Variants in CSF2RA observed in about 807,000 individuals in gnomAD.
CSF2RA encodes granulocyte-macrophage colony-stimulating factor receptor subunit alpha.
In CSF2RA, 42 loss-of-function variants were observed where a neutral mutation model predicts 51.6. The observed-to-expected ratio is 0.81, with a 90% CI of 0.64 to 1.05. The LOEUF is 1.05. Ranked by LOEUF, CSF2RA falls within the 50% of genes least tolerant of loss-of-function variation. The pLI is 0.00. For synonymous variants in CSF2RA, 222 were observed against 193.0 expected (o/e 1.15, Z -1.24); for missense variants, 530 against 501.1 (o/e 1.06, Z -0.55).
At chrX:1,300,384 A>C in intron 9 of CSF2RA, 107 bp from the exon 10 acceptor site, 2 of 1,377,742 alleles carry the variant, frequency 1.5e-6, no homozygotes, top group Non-Finnish European at 2.0e-6. Flanking sequence ...GAAGAAAAAG[A>C]AAAAAAGAAA....
At chrX:1,311,721 G>A (rs769684978), downstream of CSF2RA, among the ~76,000 whole-genome samples, 18 of 152,028 alleles carry the variant, frequency 1.2e-4, no homozygotes, top group South Asian at 1.9e-3. Context: ...GATGACAGGC[G>A]TGAGCCACCG....
At chrX:1,280,714 C>CCTT (rs1223556909) in intron 2 of CSF2RA, among the ~76,000 whole-genome samples, 1 of 146,898 alleles carries the variant, frequency 6.8e-6, no homozygotes, top group Non-Finnish European at 1.5e-5. Context: ...TTCTCTTTCC[C>CCTT]CTTCTTCTTC....
Position 1,290,215 on chromosome X carries a change from G to GT in CSF2RA, c.474-118dup, listed in dbSNP as rs2091269942. Reference sequence around the variant, plus strand: ...TGGGTTTTTTTTGTTTTGTGTTTTTGTTTTGTGTTTTTGTGTTTTGTGTTT... The same window carrying GT: ...TGGGTTTTTTTTGTTTTGTGTTTTTGTTTTTGTGTTTTTGTGTTTTGTGTTT... On this transcript the variant is annotated intron_variant, in intron 6 of 12. Coordinates refer to ENST00000381529, the MANE Select transcript of CSF2RA (RefSeq NM_172245.4). The GT allele has an allele frequency of 1.1e-5, 8 of 756,104 alleles. No homozygotes were observed. In the East Asian group the frequency reaches 2.1e-4, roughly 20 times the overall value. The allele number at this position is 756,104 out of a possible 1,614,324, so 46.8% of individuals were successfully genotyped here. A position where few individuals can be genotyped will look rare whatever the true frequency, so the allele number is the denominator to read the frequency against.
At chrX:1,272,705 G>C (rs1393797764) in intron 1 of CSF2RA, among the ~76,000 whole-genome samples, 1 of 151,482 alleles carries the variant, frequency 6.6e-6, no homozygotes, top group Non-Finnish European at 1.5e-5. Flanking sequence ...TGGCCAGGCT[G>C]GTCTTGAACT....
At chrX:1,285,732 GGAAAA>G (rs1287101503) in intron 3 of CSF2RA, 41 bp from the exon 4 acceptor site, 5 of 719,384 alleles carry the variant, frequency 7.0e-6, no homozygotes, top group Admixed American at 7.9e-5. Context: ...AAAAAAAAAA[GGAAAA>G]GAAAAGAGGA....
At chrX:1,322,643 C>T in the CSF2RA span, among the ~76,000 whole-genome samples, 4 of 151,638 alleles carry the variant, frequency 2.6e-5, no homozygotes, top group Admixed American at 6.6e-5. Context: ...TTCTCCTGAA[C>T]GCCCCTGGCT....
At chrX:1,288,139 G>C (rs1310026157) in intron 4 of CSF2RA, among the ~76,000 whole-genome samples, 1 of 152,018 alleles carries the variant, frequency 6.6e-6, no homozygotes, top group African/African-American at 2.4e-5. Context: ...AAGCTTAGGG[G>C]GATGATTTCA....
intron 10 of CSF2RA, chrX:1,303,280 G>T (rs1408204311): frequency 2.3e-6 from 1 of 425,916 alleles, no homozygotes. Flanking sequence ...CTGTCACCCA[G>T]GCTGGAGTGC....
At chrX:1,281,165 ACTCCTCCTTCTC>A (rs2089988386) in intron 2 of CSF2RA, among the ~76,000 whole-genome samples, 1 of 26,114 alleles carries the variant, frequency 3.8e-5, no homozygotes, top group Admixed American at 5.0e-4. Context: ...TTCTCCTCCT[ACTCCTCCTTCTC>A]CTCCTTCTCC....
chrX:1,280,442 G>A (rs1328254070), intron 2 of CSF2RA, among the ~76,000 whole-genome samples: 4 of 145,824 alleles, frequency 2.7e-5, no homozygotes, highest in Non-Finnish European at 6.0e-5. Flanking sequence ...CTGCACTCCA[G>A]CCTGGGTGAC....
chrX:1,309,501 G>T lies in CSF2RA; in HGVS notation c.*22G>T. 1 of 1,613,984 alleles carries T rather than the reference G, an allele frequency of 6.2e-7. No individual in the cohort carries two copies. Among genetic ancestry groups the T allele is most frequent in the Non-Finnish European group, 8.5e-7 (1 of 1,179,856 alleles). On this transcript the variant is annotated 3_prime_UTR_variant, in exon 13 of 13. Transcript: ENST00000381529. Reference sequence around the variant, plus strand: ...CTGAGACCCAGAGGGTGTAGGAATGGCATGGACATCTCCGCCTCCGCGACA... The same window carrying T: ...CTGAGACCCAGAGGGTGTAGGAATGTCATGGACATCTCCGCCTCCGCGACA...
At chrX:1,300,215 T>C (rs1182396124) in intron 9 of CSF2RA, 19 of 326,994 alleles carry the variant, frequency 5.8e-5, no homozygotes, top group Non-Finnish European at 9.9e-5. Flanking sequence ...GGAGACTCCG[T>C]CTCAAAAAAT....
At chrX:1,312,428 G>T (rs28515526), downstream of CSF2RA, among the ~76,000 whole-genome samples, 5 of 151,940 alleles carry the variant, frequency 3.3e-5, no homozygotes, top group Admixed American at 2.6e-4. Flanking sequence ...ATTAGGACGT[G>T]GACATCTTTG....
At chrX:1,322,144 T>C in the CSF2RA span, among the ~76,000 whole-genome samples, 5 of 143,078 alleles carry the variant, frequency 3.5e-5, no homozygotes, top group Non-Finnish European at 7.7e-5. Context: ...CTCACTCTGT[T>C]ACCCAGGCTG....
downstream of CSF2RA, among the ~76,000 whole-genome samples, chrX:1,312,538 C>A (rs772199030): frequency 2.4e-4 from 37 of 152,122 alleles, no homozygotes; most frequent in African/African-American, 8.2e-4. Context: ...ATCTTTGGGG[C>A]CATTATTCTG....
At chrX:1,303,826 C>G in intron 10 of CSF2RA, 97 bp from the exon 11 acceptor site, 1 of 1,069,412 alleles carries the variant, frequency 9.4e-7, no homozygotes, top group East Asian at 2.4e-5. Flanking sequence ...TGACTGTTCC[C>G]TTTGGCTAAA....
downstream of CSF2RA, among the ~76,000 whole-genome samples, chrX:1,312,514 A>T (rs28458938): frequency 0.45 from 67,677 of 151,628 alleles, 15,311 homozygotes; most frequent in East Asian, 0.63. Flanking sequence ...ATCACATGGG[A>T]TTAGGACGTG....
intron 3 of CSF2RA, among the ~76,000 whole-genome samples, chrX:1,284,789 T>C (rs746967400): frequency 6.6e-6 from 1 of 150,466 alleles, no homozygotes; most frequent in African/African-American, 2.5e-5. Context: ...CTCAGCCTCC[T>C]GAGTAGCTGG....
At chrX:1,268,945 T>C in intron 1 of CSF2RA, 66 bp downstream of exon 1, 2 of 452,616 alleles carry the variant, frequency 4.4e-6, no homozygotes, top group South Asian at 3.1e-5. Context: ...ATGTTTCTGC[T>C]GTGTCTGTCG....
Sources: allele counts gnomAD v4.1 joint callset (sites outside exome capture counted in the v4.1 genomes callset), GRCh38; gene constraint gnomAD v4.1.1; transcripts MANE v1.5; gene names NCBI Gene and HGNC (gene_info 2026-07-23, HGNC 2026-07-21).